CLIP4: variants seen among roughly 807,000 people sequenced by gnomAD.
CLIP4 encodes CAP-Gly domain containing linker protein family member 4, also known as CAP-Gly domain-containing linker protein 4.
In CLIP4, 47 loss-of-function variants were observed where a neutral mutation model predicts 73.1. The ratio of observed to expected loss-of-function variants is 0.64; its 90% CI spans 0.51 to 0.82. The LOEUF is 0.82. CLIP4 is among the 40% of genes least tolerant of loss of function. The probability of loss-of-function intolerance (pLI) is 0.00; values close to 1 mark genes in which losing one functional copy is unlikely to be tolerated. For synonymous variants in CLIP4, 306 were observed against 295.4 expected, an observed-to-expected ratio of 1.04 and a Z score of -0.37; for missense variants, 874 against 852.9, an observed-to-expected ratio of 1.02 and a Z score of -0.31.
chr2:29,169,155 T>G (rs3100217), intron 14 of CLIP4, among the ~76,000 whole-genome samples: 2 of 152,168 alleles, frequency 1.3e-5, no homozygotes, highest in Admixed American at 1.3e-4. Flanking sequence ...CTAGGGATGC[T>G]GTGACAAAGT....
At chr2:29,120,658 A>C (rs1664192808) in intron 1 of CLIP4, among the ~76,000 whole-genome samples, 1 of 152,200 alleles carries the variant, frequency 6.6e-6, no homozygotes, top group South Asian at 2.1e-4. Context: ...TTTTACTAGC[A>C]GTTTCTCTGC....
rs968403232 is a variant in CLIP4 at position 29,162,880 on chromosome 2, T to G, written c.1535-951T>G. ...TTTAGAAGGCATATAATTAACTCTTTGAACTAGTAATCTGGAAGAAACACT... is the reference window on the plus strand; with the variant it reads ...TTTAGAAGGCATATAATTAACTCTTGGAACTAGTAATCTGGAAGAAACACT... On this transcript the variant is annotated intron_variant, in intron 12 of 15. Transcript: ENST00000320081. Among the ~76,000 whole-genome samples, 4 of 152,358 alleles carry G rather than the reference T, an allele frequency of 2.6e-5. No individual in the cohort carries two copies. The East Asian group carries it at 5.8e-4, about 22-fold the overall frequency.
upstream of CLIP4, chr2:29,115,271 C>T (rs982730742): frequency 1.3e-5 from 2 of 152,272 alleles, no homozygotes; most frequent in African/African-American, 4.8e-5. The surrounding 1 kb of genome is among the most constrained non-coding windows in gnomAD (Gnocchi z 5.1). Flanking sequence ...CGCCTGGCTT[C>T]GCGGCGGGGG....
chr2:29,158,647 G>A (rs906626589), intron 11 of CLIP4, among the ~76,000 whole-genome samples: 1 of 152,158 alleles, frequency 6.6e-6, no homozygotes, highest in Non-Finnish European at 1.5e-5. Context: ...GGGAGATGTA[G>A]ACTGCAGAGA....
At chr2:29,100,704 C>T (rs1463529921) in intron 1 of CLIP4, among the ~76,000 whole-genome samples, 1 of 151,480 alleles carries the variant, frequency 6.6e-6, no homozygotes, top group African/African-American at 2.4e-5. Context: ...GGGATAAGTG[C>T]AGGTAGATTA....
chr2:29,109,641 GC>G (rs1391306783), intron 1 of CLIP4, among the ~76,000 whole-genome samples: 1 of 152,188 alleles, frequency 6.6e-6, no homozygotes, highest in Non-Finnish European at 1.5e-5. Context: ...AGAAGACTTT[GC>G]ATCATGTGGT....
At chr2:29,169,333 GTGTGTGTGT>G (rs1558579120) in intron 14 of CLIP4, among the ~76,000 whole-genome samples, 319 of 38,882 alleles carry the variant, frequency 8.2e-3, no homozygotes, top group Middle Eastern at 0.053. Context: ...TTTTCACTGT[GTGTGTGTGT>G]GTGTGTGTGT....
intron 14 of CLIP4, 199 bp downstream of exon 14, chr2:29,167,739 C>T: frequency 2.4e-6 from 1 of 421,466 alleles, no homozygotes; most frequent in Non-Finnish European, 4.2e-6. Flanking sequence ...CCTGAGTACC[C>T]CATCCCATCT....
chr2:29,183,026 A>G lies in CLIP4; in HGVS notation c.*1133A>G, dbSNP rs1246248829. 1 of 152,374 alleles carries G rather than the reference A, an allele frequency of 6.6e-6. No homozygotes were observed. Among genetic ancestry groups the G allele is most frequent in the Non-Finnish European group, 1.5e-5 (1 of 68,042 alleles). 9.4% of individuals were successfully genotyped at this position (152,374 alleles called of 1,614,324 possible). A position where few individuals can be genotyped will look rare whatever the true frequency, so the allele number is the denominator to read the frequency against. On this transcript the variant is annotated 3_prime_UTR_variant, in exon 16 of 16. Coordinates refer to ENST00000320081, the MANE Select transcript of CLIP4 (RefSeq NM_024692.6). ...TAATTGTTGCAGAGTTCTGCCTGTTACAAAGCTACAGAACTGTATTGTTTT... is the reference window on the plus strand; with the variant it reads ...TAATTGTTGCAGAGTTCTGCCTGTTGCAAAGCTACAGAACTGTATTGTTTT...
intron 2 of CLIP4, chr2:29,130,700 C>A: frequency 8.5e-7 from 1 of 1,172,002 alleles, no homozygotes; most frequent in East Asian, 6.8e-5. Flanking sequence ...TGATGGACTG[C>A]TGCTCTGCTT....
At chr2:29,173,783 TTC>T (rs1273925209) in intron 14 of CLIP4, among the ~76,000 whole-genome samples, 2 of 152,190 alleles carry the variant, frequency 1.3e-5, no homozygotes, top group East Asian at 1.9e-4. Flanking sequence ...GTGTTTTTAT[TTC>T]TGTTGTATTA....
At chr2:29,108,081 CTT>C (rs1334435355) in intron 1 of CLIP4, among the ~76,000 whole-genome samples, 1 of 152,100 alleles carries the variant, frequency 6.6e-6, no homozygotes, top group Non-Finnish European at 1.5e-5. Flanking sequence ...TTCCCCACCT[CTT>C]TATCCACAGG....
intron 2 of CLIP4, among the ~76,000 whole-genome samples, chr2:29,126,393 A>G (rs1205630742): frequency 1.3e-5 from 2 of 152,056 alleles, no homozygotes; most frequent in Non-Finnish European, 2.9e-5. Context: ...CAGTTGTGTG[A>G]TTTTGGGCAA....
chr2:29,116,421 C>T (rs1469230364), intron 1 of CLIP4, among the ~76,000 whole-genome samples: 1 of 152,226 alleles, frequency 6.6e-6, no homozygotes, highest in East Asian at 1.9e-4. Flanking sequence ...TATTGTAGCA[C>T]CATCATCGTA....
chr2:29,107,748 A>G (rs558773063), intron 1 of CLIP4, among the ~76,000 whole-genome samples: 29 of 151,840 alleles, frequency 1.9e-4, no homozygotes, highest in Admixed American at 1.9e-3. Context: ...ATTCACAGGC[A>G]CAGTCACAGC....
Position 29,157,357 on chromosome 2 carries a change from G to A in CLIP4, c.1399+10G>A. 6.2e-7 allele frequency: 1 copy of A among 1,613,880 alleles called. No individual in the cohort carries two copies. The highest frequency in any genetic ancestry group is 1.3e-5 in the African/African-American group (1 of 75,004). ...TCCAGAGCCAGTGCTGGTATCTATG[G>A]CTTTTTCAACCAGGCTTTCTTGGTG... On this transcript the variant is annotated intron_variant, in intron 11 of 15. Coordinates refer to ENST00000320081, the MANE Select transcript of CLIP4 (RefSeq NM_024692.6).
chr2:29,150,314 TACCCTTCTCTTTTAATCATCGTAAG>T (rs1236762084), intron 8 of CLIP4, among the ~76,000 whole-genome samples: 3 of 152,204 alleles, frequency 2.0e-5, no homozygotes, highest in East Asian at 1.9e-4. Context: ...TGGAGAGGGC[TACCCTTCTCTTTTAATCATCGTAAG>T]AGGGTTTACT....
chr2:29,122,907 C>CACCT (rs1355687896), intron 2 of CLIP4, among the ~76,000 whole-genome samples: 5 of 151,190 alleles, frequency 3.3e-5, no homozygotes. Flanking sequence ...TTTCCCCACT[C>CACCT]ACCTCCCTGT....
At position 29,160,405 on chromosome 2, in the gene CLIP4, T is replaced by G. The variant is rs1352850090; in HGVS notation, c.1472T>G (p.Val491Gly). ...CEGELRLGER[V>G]LVVGQRLGTI... The stretch of plus-strand genomic sequence containing the variant: ...GGGGAACTCCGCCTCGGAGAGAGAG[T>G]GTTAGTGGTAGGACAGAGACTGGGC... The change falls in exon 12 of 16, where the codon GTG becomes GGG. Residue 491 changes from valine (V) to glycine (G), a missense_variant. Coordinates refer to ENST00000320081, the MANE Select transcript of CLIP4 (RefSeq NM_024692.6). 1 of 1,613,518 alleles carries G rather than the reference T, an allele frequency of 6.2e-7. No homozygotes were observed. Among genetic ancestry groups the G allele is most frequent in the Admixed American group, 1.7e-5 (1 of 59,946 alleles).
Sources: gnomAD v4.1 joint callset for allele counts (sites outside exome capture counted in the v4.1 genomes callset) on GRCh38, gnomAD v4.1.1 for gene constraint, Gnocchi (gnomAD v3.1) non-coding constraint, MANE v1.5 for transcripts, NCBI Gene and HGNC (gene_info 2026-07-23, HGNC 2026-07-21) for gene names.